The following CCDC181 variants were observed in gnomAD, a reference collection of about 807,000 sequenced individuals.
CCDC181 encodes the protein coiled-coil domain-containing protein 181.
Under a neutral mutation model 58.7 loss-of-function variants are expected in CCDC181, and 35 were observed. The observed-to-expected ratio is 0.60, with a 90% confidence interval of 0.46 to 0.79. The LOEUF (loss-of-function observed/expected upper bound fraction) is 0.79. Among genes scored for constraint, CCDC181 ranks in the 30% least tolerant of loss-of-function variants. The probability of loss-of-function intolerance (pLI) is 0.00; values close to 1 mark genes in which losing one functional copy is unlikely to be tolerated. For synonymous variants in CCDC181, 183 were observed against 197.5 expected (o/e 0.93, Z 0.62); for missense variants, 517 against 583.9 (o/e 0.89, Z 1.18).
chr1:169,397,720 G>A (rs1455091577), intron 4 of CCDC181, among the ~76,000 whole-genome samples: 2 of 152,154 alleles, frequency 1.3e-5, no homozygotes, highest in African/African-American at 4.8e-5. Flanking sequence ...GCTAGTAGGA[G>A]TGGCTTATTT....
chr1:169,405,387 C>T lies in CCDC181; in HGVS notation c.1216-7996G>A, dbSNP rs143738107. 1.2e-4 allele frequency among the ~76,000 whole-genome samples: 18 copies of T among 152,280 alleles called. No individual in the cohort carries two copies. In the East Asian group the frequency reaches 1.5e-3, roughly 13 times the overall value. On this transcript the variant is annotated intron_variant, in intron 4 of 5. Transcript: ENST00000367806. ...AAAAAGAACAAAGCTGGAGGCATCA[C>T]GCTACCTGACTGCAAACTACACTGC...
intron 2 of CCDC181, among the ~76,000 whole-genome samples, chr1:169,423,049 T>C (rs1656553784): frequency 7.4e-6 from 1 of 134,696 alleles, no homozygotes; most frequent in Non-Finnish European, 1.6e-5. Flanking sequence ...AATATATAAA[T>C]GTATATAAAT....
At chr1:169,408,321 C>G (rs113525995) in intron 4 of CCDC181, among the ~76,000 whole-genome samples, 4 of 152,220 alleles carry the variant, frequency 2.6e-5, no homozygotes, top group African/African-American at 4.8e-5. Context: ...CACCACATCT[C>G]GGCAAAGCCA....
intron 5 of CCDC181, 121 bp downstream of exon 5, chr1:169,397,116 A>G: frequency 1.6e-6 from 1 of 645,120 alleles, no homozygotes; most frequent in Non-Finnish European, 2.3e-6. Context: ...AAAATTGAAT[A>G]GGTACGTGCT....
chr1:169,410,145 T>A (rs111497902), intron 4 of CCDC181, among the ~76,000 whole-genome samples: 6,534 of 147,002 alleles, frequency 0.044, 186 homozygotes, highest in South Asian at 0.1. Context: ...ACACATCTCA[T>A]ATGCAGAGAC....
chr1:169,418,618 A>T (rs1656317850), intron 4 of CCDC181, among the ~76,000 whole-genome samples: 1 of 151,360 alleles, frequency 6.6e-6, no homozygotes, highest in African/African-American at 2.4e-5. Context: ...AATTCTTTTA[A>T]ATTAAATAAT....
intron 4 of CCDC181, among the ~76,000 whole-genome samples, chr1:169,398,812 T>C (rs745965651): frequency 1.3e-5 from 2 of 152,178 alleles, no homozygotes; most frequent in Non-Finnish European, 2.9e-5. Flanking sequence ...GACTGACTGA[T>C]TGATTGACTG....
At chr1:169,397,174 G>T in intron 5 of CCDC181, 63 bp downstream of exon 5, 1 of 1,387,192 alleles carries the variant, frequency 7.2e-7, no homozygotes. Context: ...CTTAATTGAT[G>T]ATATAACTTT....
intron 2 of CCDC181, among the ~76,000 whole-genome samples, chr1:169,449,615 C>A (rs1657476723): frequency 6.6e-6 from 1 of 152,354 alleles, no homozygotes; most frequent in East Asian, 1.9e-4. Flanking sequence ...CTAAGAGCCC[C>A]TGGCAAACCA....
At chr1:169,412,244 G>C (rs1453360052) in intron 4 of CCDC181, among the ~76,000 whole-genome samples, 2 of 152,020 alleles carry the variant, frequency 1.3e-5, no homozygotes, top group Non-Finnish European at 2.9e-5. Flanking sequence ...AGTACAAACA[G>C]AGCCAAATCA....
chr1:169,426,184 A>G (rs1302052244), intron 1 of CCDC181, among the ~76,000 whole-genome samples: 4 of 152,206 alleles, frequency 2.6e-5, no homozygotes, highest in Non-Finnish European at 5.9e-5. Flanking sequence ...CAAGTAAACA[A>G]AGAACATAAA....
At chr1:169,406,920 A>T (rs1047589278) in intron 4 of CCDC181, among the ~76,000 whole-genome samples, 1 of 152,142 alleles carries the variant, frequency 6.6e-6, no homozygotes, top group East Asian at 1.9e-4. Context: ...CTCAAGATGG[A>T]TCAATAGAAA....
upstream of CCDC181, among the ~76,000 whole-genome samples, chr1:169,429,258 G>A (rs1266603605): frequency 1.3e-5 from 2 of 152,074 alleles, no homozygotes; most frequent in Non-Finnish European, 2.9e-5. Flanking sequence ...ATTGTGCTGC[G>A]ATAAACATGT....
chr1:169,438,485 C>A (rs1237462733), intron 2 of CCDC181, among the ~76,000 whole-genome samples: 1 of 152,160 alleles, frequency 6.6e-6, no homozygotes, highest in Non-Finnish European at 1.5e-5. Flanking sequence ...AAGCCATAGG[C>A]AAAAGATTCT....
intron 4 of CCDC181, among the ~76,000 whole-genome samples, chr1:169,407,757 CAGTG>C (rs1370947533): frequency 6.6e-6 from 1 of 152,202 alleles, no homozygotes; most frequent in Non-Finnish European, 1.5e-5. Flanking sequence ...ACTGGTTAGA[CAGTG>C]GGTGCAACCC....
chr1:169,402,907 T>C (rs1342644185), intron 4 of CCDC181, among the ~76,000 whole-genome samples: 1 of 150,826 alleles, frequency 6.6e-6, no homozygotes, highest in Non-Finnish European at 1.5e-5. Context: ...GTATTCAGGA[T>C]ACCCATGTGC....
chr1:169,443,091 C>T (rs1301526557), intron 2 of CCDC181: 2 of 151,236 alleles, frequency 1.3e-5, no homozygotes, highest in Non-Finnish European at 3.0e-5. Flanking sequence ...AACTCAAGAC[C>T]TTCTTTTTGT....
chr1:169,427,576 G>A (rs1462134103), upstream of CCDC181: 2 of 152,214 alleles, frequency 1.3e-5, no homozygotes, highest in South Asian at 2.1e-4. Context: ...AGGTTTCTAA[G>A]GGGACGACTA....
At chr1:169,458,446 T>A (rs1657742069) in intron 2 of CCDC181, among the ~76,000 whole-genome samples, 2 of 152,124 alleles carry the variant, frequency 1.3e-5, no homozygotes, top group Admixed American at 6.5e-5. Flanking sequence ...ATAAATGATA[T>A]AAATGAACAA....
Sources: allele counts gnomAD v4.1 joint callset (sites outside exome capture counted in the v4.1 genomes callset), GRCh38; gene constraint gnomAD v4.1.1; transcripts MANE v1.5; gene names NCBI Gene and HGNC (gene_info 2026-07-23, HGNC 2026-07-21).